Variants in ZC3H12C observed in about 807,000 individuals in gnomAD.
The protein encoded by ZC3H12C is zinc finger CCCH-type containing 12C.
ZC3H12C carries 20 observed loss-of-function variants against 76.3 expected under a neutral mutation model. The ratio of observed to expected loss-of-function variants is 0.26; its 90% CI spans 0.18 to 0.38. The LOEUF is 0.38. Ranked by LOEUF, ZC3H12C falls within the 10% of genes least tolerant of loss-of-function variation. ZC3H12C has a pLI of 1.00. For synonymous variants in ZC3H12C, 352 were observed against 399.6 expected, an observed-to-expected ratio of 0.88 and a Z score of 1.42; for missense variants, 874 against 1,086.5, an observed-to-expected ratio of 0.80 and a Z score of 2.75.
intron 1 of ZC3H12C, among the ~76,000 whole-genome samples, chr11:110,107,552 T>C (rs1246594220): frequency 1.3e-5 from 2 of 151,444 alleles, no homozygotes; most frequent in African/African-American, 2.4e-5. Flanking sequence ...TAAGACGGAG[T>C]TTTGCTCTTG....
At chr11:110,137,858 G>T (rs1445448021) in intron 2 of ZC3H12C, among the ~76,000 whole-genome samples, 1 of 152,064 alleles carries the variant, frequency 6.6e-6, no homozygotes, top group African/African-American at 2.4e-5. Flanking sequence ...AACCAAAGCT[G>T]TAGTTTGAAT....
At chr11:110,154,834 T>TA (rs5794671) in intron 3 of ZC3H12C, among the ~76,000 whole-genome samples, 1,498 of 69,824 alleles carry the variant, frequency 0.021, 61 homozygotes, top group African/African-American at 0.069. Flanking sequence ...ACAGCTTGAT[T>TA]AAAAAAAAAA....
At chr11:110,134,518 T>C (rs1023654173) in intron 1 of ZC3H12C, among the ~76,000 whole-genome samples, 2 of 152,166 alleles carry the variant, frequency 1.3e-5, no homozygotes, top group African/African-American at 4.8e-5. Context: ...GTTACTTGCA[T>C]TATGGTGTTA....
intron 1 of ZC3H12C, among the ~76,000 whole-genome samples, chr11:110,116,398 T>A (rs1200448028): frequency 6.6e-6 from 1 of 152,234 alleles, no homozygotes; most frequent in Non-Finnish European, 1.5e-5. Flanking sequence ...TTATTTTCTT[T>A]ATTTTCCAAA....
intron 1 of ZC3H12C, among the ~76,000 whole-genome samples, chr11:110,122,411 G>A (rs994428295): frequency 2.6e-5 from 4 of 151,980 alleles, no homozygotes; most frequent in African/African-American, 9.7e-5. Flanking sequence ...GTTAACATGA[G>A]TGATAATCAA....
At chr11:110,143,818 C>T (rs941319657) in intron 2 of ZC3H12C, among the ~76,000 whole-genome samples, 6 of 152,158 alleles carry the variant, frequency 3.9e-5, no homozygotes, top group African/African-American at 1.4e-4. Flanking sequence ...CCACCGTGCC[C>T]AGCCTAAAAA....
chr11:110,111,424 C>CAA (rs11348279), intron 1 of ZC3H12C, among the ~76,000 whole-genome samples: 1 of 149,778 alleles, frequency 6.7e-6, no homozygotes, highest in South Asian at 2.1e-4. Context: ...TTTGTTATCT[C>CAA]AAAAAAAAAA....
At chr11:110,157,880 G>A (rs1425759140) in intron 3 of ZC3H12C, among the ~76,000 whole-genome samples, 1 of 152,196 alleles carries the variant, frequency 6.6e-6, no homozygotes, top group Non-Finnish European at 1.5e-5. Flanking sequence ...CTTTGGAGAG[G>A]TGATTTTTAA....
chr11:110,165,821 C>G lies in ZC3H12C; in HGVS notation c.*84C>G. Reference sequence around the variant, plus strand: ...GGTTTGCTACAATAGCACATGTGATCTCCTTCTCAGCAAGGAGGTTATATA... The same window carrying G: ...GGTTTGCTACAATAGCACATGTGATGTCCTTCTCAGCAAGGAGGTTATATA... On this transcript the variant is annotated 3_prime_UTR_variant, in exon 6 of 6. Transcript: ENST00000278590. The G allele has an allele frequency of 7.7e-7, 1 of 1,292,716 alleles. No homozygotes were observed. The highest frequency in any genetic ancestry group is 1.1e-6 in the Non-Finnish European group (1 of 950,902). The allele number at this position is 1,292,716 out of a possible 1,614,324, so 80.1% of individuals were successfully genotyped here. A position where few individuals can be genotyped will look rare whatever the true frequency, so the allele number is the denominator to read the frequency against.
chr11:110,108,491 A>C (rs1861372002), intron 1 of ZC3H12C, among the ~76,000 whole-genome samples: 1 of 152,214 alleles, frequency 6.6e-6, no homozygotes, highest in Admixed American at 6.5e-5. Context: ...CTGAAGTCCT[A>C]ATTTAGCATG....
At position 110,165,871 on chromosome 11, in the gene ZC3H12C, A is replaced by ACAGTATT; in HGVS notation, c.*134_*135insCAGTATT. The ACAGTATT allele has an allele frequency of 1.2e-6, 1 of 841,000 alleles. No individual in the cohort carries two copies. The highest frequency in any genetic ancestry group is 1.8e-6 in the Non-Finnish European group (1 of 555,506). 52.1% of individuals were successfully genotyped at this position (841,000 alleles called of 1,614,324 possible). ...AGTATCCATTTATGTGAAATACTGT[A>ACAGTATT]TCATGGAATCTGTATGTATAGCCCC... On this transcript the variant is annotated 3_prime_UTR_variant, in exon 6 of 6. Coordinates refer to ENST00000278590, the MANE Select transcript of ZC3H12C (RefSeq NM_033390.2).
chr11:110,165,414 T>C lies in ZC3H12C; in HGVS notation c.2329T>C (p.Trp777Arg). ...PYSRQEGLGS[W>R]ERPGYGIDAY... The stretch of plus-strand genomic sequence containing the variant: ...TTCCCGCCAGGAAGGCCTGGGAAGC[T>C]GGGAGAGGCCAGGCTATGGGATCGA... Residue 777 changes from tryptophan to arginine, a missense_variant, in exon 6 of 6, where the codon TGG (tryptophan) becomes CGG (arginine). Coordinates refer to ENST00000278590, the MANE Select transcript of ZC3H12C (RefSeq NM_033390.2). 6.2e-7 allele frequency: 1 copy of C among 1,613,992 alleles called. No individual in the cohort carries two copies. Among genetic ancestry groups the C allele is most frequent in the Non-Finnish European group, 8.5e-7 (1 of 1,179,898 alleles).
chr11:110,152,790 A>C, intron 2 of ZC3H12C, 129 bp from the exon 3 acceptor site: 1 of 1,050,560 alleles, frequency 9.5e-7, no homozygotes, highest in Non-Finnish European at 1.4e-6. Flanking sequence ...CTGATCTATA[A>C]ACTCCATTTT....
chr11:110,159,183 C>T (rs1365630119), intron 3 of ZC3H12C, 73 bp from the exon 4 acceptor site: 2 of 1,161,356 alleles, frequency 1.7e-6, no homozygotes, highest in African/African-American at 3.1e-5. Flanking sequence ...TAGAGTTTCA[C>T]ATTGTATGAA....
intron 1 of ZC3H12C, among the ~76,000 whole-genome samples, chr11:110,123,202 A>G (rs1244780701): frequency 6.6e-6 from 1 of 152,204 alleles, no homozygotes; most frequent in African/African-American, 2.4e-5. Flanking sequence ...TTCTCTTCCC[A>G]TACACTAGCT....
At chr11:110,148,981 G>A (rs10891068) in intron 2 of ZC3H12C, among the ~76,000 whole-genome samples, 28,916 of 152,008 alleles carry the variant, frequency 0.19, 2,890 homozygotes, top group Middle Eastern at 0.29. Flanking sequence ...TATCTAGCAC[G>A]TATGATGAGT....
In ZC3H12C at chr11:110,136,720, A is replaced by T; in HGVS notation, c.79A>T (p.Thr27Ser). Residue 27 changes from threonine to serine, a missense_variant, in exon 2 of 6, where the codon ACA (threonine) becomes TCA (serine). Transcript: ENST00000278590. ...AAAAAACAGCAAAGTGGAGTCAAGT[A>T]CACGTAACAACTTCATGGGCTTGAA... ...YRKNSKVESSTRNNFMGLKDH... is the reference protein window; with the variant it reads ...YRKNSKVESSSRNNFMGLKDH... 6.2e-7 allele frequency: 1 copy of T among 1,613,982 alleles called. No individual in the cohort carries two copies. Among genetic ancestry groups the T allele is most frequent in the Non-Finnish European group, 8.5e-7 (1 of 1,179,882 alleles).
intron 1 of ZC3H12C, among the ~76,000 whole-genome samples, chr11:110,093,764 A>G (rs1861059041): frequency 6.6e-6 from 1 of 151,962 alleles, no homozygotes; most frequent in African/African-American, 2.4e-5. Context: ...GGGGGCATAG[A>G]TCGCGAACAT....
intron 3 of ZC3H12C, among the ~76,000 whole-genome samples, chr11:110,155,248 G>A (rs1420573450): frequency 6.6e-6 from 1 of 150,816 alleles, no homozygotes; most frequent in Non-Finnish European, 1.5e-5. Flanking sequence ...GCAGTGAGCC[G>A]AGATCATGCC....
Sources: gnomAD v4.1 joint callset for allele counts (sites outside exome capture counted in the v4.1 genomes callset) on GRCh38, gnomAD v4.1.1 for gene constraint, MANE v1.5 for transcripts, NCBI Gene and HGNC (gene_info 2026-07-23, HGNC 2026-07-21) for gene names.